Variants in E2F8 observed in about 807,000 individuals in gnomAD.
E2F8 encodes the protein transcription factor E2F8.
E2F8 carries 35 observed loss-of-function variants against 80.8 expected under a neutral mutation model. The observed-to-expected ratio is 0.43, with a 90% CI of 0.33 to 0.57. The LOEUF is 0.57. E2F8 is among the 20% of genes least tolerant of loss of function. The pLI, the probability that E2F8 is intolerant of heterozygous loss-of-function variation, is 0.04. For missense variants in E2F8, 975 were observed against 1,056.2 expected (o/e 0.92, Z 1.07); for synonymous variants, 386 against 395.0 (o/e 0.98, Z 0.27).
rs1366420682 is a variant in E2F8, at chr11:19,232,499, C to T, written c.929-128G>A. 4.4e-5 allele frequency: 32 copies of T among 722,326 alleles called. No homozygotes were observed. The East Asian group carries it at 7.2e-4, about 16-fold the overall frequency. The allele number at this position is 722,326 out of a possible 1,614,324, so 44.7% of individuals were successfully genotyped here. ...CAATGTCAGACAGAGAAACATCTGC[C>T]TCCTTTTAAGTTCTTCTGGTGATAC... On this transcript the variant is annotated intron_variant, in intron 6 of 12. Transcript: ENST00000250024.
At chr11:19,225,936 G>T in intron 10 of E2F8, 72 bp from the exon 11 acceptor site, 1 of 1,540,428 alleles carries the variant, frequency 6.5e-7, no homozygotes, top group Non-Finnish European at 8.8e-7. Flanking sequence ...GCCTCTTTCA[G>T]GACTAATATC....
chr11:19,234,605 A>G, intron 5 of E2F8, 84 bp from the exon 6 acceptor site: 3 of 1,556,160 alleles, frequency 1.9e-6, no homozygotes, highest in Non-Finnish European at 2.6e-6. Context: ...AAATACTACC[A>G]CCTGATCATA....
chr11:19,232,838 A>C (rs961083793), intron 6 of E2F8, among the ~76,000 whole-genome samples: 2 of 152,106 alleles, frequency 1.3e-5, no homozygotes, highest in South Asian at 4.1e-4. Flanking sequence ...CTCCATCAAC[A>C]TGTGTAATTT....
chr11:19,237,275 T>G (rs961693756), intron 4 of E2F8, 39 bp downstream of exon 4: 2 of 1,606,492 alleles, frequency 1.2e-6, no homozygotes, highest in East Asian at 2.2e-5. Flanking sequence ...AAAGCCACTT[T>G]AATTATTAAT....
chr11:19,234,464 A>G lies in E2F8; in HGVS notation c.824T>C (p.Met275Thr), dbSNP rs1200961706. 8 of 1,614,128 alleles carry G rather than the reference A, an allele frequency of 5.0e-6. No individual in the cohort carries two copies. Among genetic ancestry groups the G allele is most frequent in the Non-Finnish European group, 6.8e-6 (8 of 1,180,046 alleles). ...SLRVMSQKFV[M>T]LFLVSTPQIV... ...CTGAGGCGTTGACACCAAAAACAGC[A>G]TCACAAATTTCTGGCTCATTACCCT... The change falls in exon 6 of 13, where the codon ATG (methionine) becomes ACG (threonine). Residue 275 changes from methionine to threonine, a missense_variant. Coordinates refer to ENST00000250024, the MANE Select transcript of E2F8 (RefSeq NM_024680.4).
chr11:19,230,071 C>A (rs1239208757), intron 9 of E2F8, 83 bp from the exon 10 acceptor site: 2 of 1,567,408 alleles, frequency 1.3e-6, no homozygotes, highest in Non-Finnish European at 1.7e-6. Context: ...CATATTGAAG[C>A]CACGCTTTTA....
intron 4 of E2F8, 84 bp downstream of exon 4, chr11:19,237,230 C>A (rs953362627): frequency 1.7e-5 from 22 of 1,295,952 alleles, no homozygotes; most frequent in South Asian, 1.1e-4. Flanking sequence ...CAAACACTGG[C>A]TAGATGAGCG....
chr11:19,237,793 ACAACCTCCCCCCTCCCCC>A, intron 3 of E2F8, 43 bp downstream of exon 3: 1 of 1,545,892 alleles, frequency 6.5e-7, no homozygotes, highest in Non-Finnish European at 8.7e-7. Context: ...TCTAATAGCT[ACAACCTCCCCCCTCCCCC>A]CAACAAATTC....
At chr11:19,230,921 T>C (rs938391754) in intron 7 of E2F8, 87 bp from the exon 8 acceptor site, 6 of 1,298,732 alleles carry the variant, frequency 4.6e-6, no homozygotes, top group Admixed American at 2.1e-5. Context: ...GGAATAAAAG[T>C]GGCAAGTTAC....
intron 10 of E2F8, chr11:19,226,220 T>G (rs7936229): frequency 0.15 from 29,738 of 204,136 alleles, 2,543 homozygotes; most frequent in African/African-American, 0.25. Context: ...TAGTAGTAAT[T>G]GATTGTTCTT....
At chr11:19,225,015 G>T in intron 12 of E2F8, 175 bp from the exon 13 acceptor site, 2 of 1,118,096 alleles carry the variant, frequency 1.8e-6, no homozygotes, top group Non-Finnish European at 2.5e-6. Flanking sequence ...TTTGTTAGGG[G>T]AGAGACAAAA....
At position 19,234,468 on chromosome 11, in the gene E2F8, C is replaced by T. The variant is rs141358919; in HGVS notation, c.820G>A (p.Val274Met). ...GGCGTTGACACCAAAAACAGCATCA[C>T]AAATTTCTGGCTCATTACCCTTAAA... ...KSLRVMSQKFVMLFLVSTPQI... is the reference protein window; with the variant it reads ...KSLRVMSQKFMMLFLVSTPQI... Residue 274 changes from valine to methionine, a missense_variant, in exon 6 of 13, where the codon GTG (valine) becomes ATG (methionine). Coordinates refer to ENST00000250024, the MANE Select transcript of E2F8 (RefSeq NM_024680.4). The T allele has an allele frequency of 1.4e-5, 22 of 1,614,076 alleles. No homozygotes were observed. Among genetic ancestry groups the T allele is most frequent in the Non-Finnish European group, 1.7e-5 (20 of 1,180,038 alleles).
At chr11:19,227,653 C>G (rs1213442430) in intron 10 of E2F8, among the ~76,000 whole-genome samples, 1 of 152,218 alleles carries the variant, frequency 6.6e-6, no homozygotes, top group African/African-American at 2.4e-5. Flanking sequence ...CTATCATTCA[C>G]TACCTGATAT....
At chr11:19,232,610 T>C (rs545833692) in intron 6 of E2F8, among the ~76,000 whole-genome samples, 1 of 152,280 alleles carries the variant, frequency 6.6e-6, no homozygotes, top group African/African-American at 2.4e-5. Flanking sequence ...ATAGCATACG[T>C]TGACAAAGGA....
At chr11:19,237,238 G>A in intron 4 of E2F8, 76 bp downstream of exon 4, 3 of 1,382,766 alleles carry the variant, frequency 2.2e-6, no homozygotes, top group Non-Finnish European at 3.1e-6. Flanking sequence ...GGCTAGATGA[G>A]CGGGGGTCTG....
intron 12 of E2F8, 176 bp downstream of exon 12, chr11:19,225,045 A>C: frequency 9.0e-7 from 1 of 1,111,600 alleles, no homozygotes; most frequent in South Asian, 1.5e-5. Context: ...TAACCCAACA[A>C]TATGGATGCC....
chr11:19,227,243 C>T (rs1451153071), intron 10 of E2F8, among the ~76,000 whole-genome samples: 1 of 152,110 alleles, frequency 6.6e-6, no homozygotes, highest in African/African-American at 2.4e-5. Context: ...ATACTACAAG[C>T]TTTTAATTTT....
intron 12 of E2F8, 117 bp downstream of exon 12, chr11:19,225,104 T>A (rs793275): frequency 2.7e-5 from 39 of 1,429,410 alleles, no homozygotes; most frequent in African/African-American, 5.7e-5. Flanking sequence ...TTCAATCTCC[T>A]GACTTTCCCA....
intron 3 of E2F8, 94 bp from the exon 4 acceptor site, chr11:19,237,564 A>G: frequency 7.4e-7 from 1 of 1,350,786 alleles, no homozygotes; most frequent in South Asian, 1.4e-5. Flanking sequence ...ACCAACTTAC[A>G]CACGCTTAGC....
Sources: gnomAD v4.1 joint callset for allele counts (sites outside exome capture counted in the v4.1 genomes callset) on GRCh38, gnomAD v4.1.1 for gene constraint, MANE v1.5 for transcripts, NCBI Gene and HGNC (gene_info 2026-07-23, HGNC 2026-07-21) for gene names.